Variants in KCNT2 observed in about 807,000 individuals in gnomAD.
KCNT2 encodes the protein potassium channel subfamily T member 2.
Under a neutral mutation model 153.8 loss-of-function variants are expected in KCNT2, and 67 were observed. The ratio of observed to expected loss-of-function variants is 0.44; its 90% confidence interval spans 0.36 to 0.53. KCNT2 has a LOEUF of 0.53. Among genes scored for constraint, KCNT2 ranks in the 20% least tolerant of loss-of-function variants. The probability of loss-of-function intolerance (pLI) is 0.00; values close to 1 mark genes in which losing one functional copy is unlikely to be tolerated. For missense variants in KCNT2, 975 were observed against 1,354.8 expected (o/e 0.72, Z 4.40); for synonymous variants, 500 against 458.8 (o/e 1.09, Z -1.15).
At chr1:196,579,347 C>T (rs1451073390) in intron 1 of KCNT2, among the ~76,000 whole-genome samples, 2 of 151,860 alleles carry the variant, frequency 1.3e-5, no homozygotes, top group African/African-American at 4.8e-5. Flanking sequence ...GGGGGAGAGA[C>T]AGGATCAGAA....
chr1:196,540,551 C>A (rs1325637807), intron 1 of KCNT2, among the ~76,000 whole-genome samples: 1 of 152,106 alleles, frequency 6.6e-6, no homozygotes, highest in Non-Finnish European at 1.5e-5. Flanking sequence ...TACCAACCAA[C>A]CAAGAAACAA....
chr1:196,494,756 A>G (rs1680124307), intron 1 of KCNT2, among the ~76,000 whole-genome samples: 1 of 152,234 alleles, frequency 6.6e-6, no homozygotes, highest in African/African-American at 2.4e-5. Flanking sequence ...ATTCGTAATT[A>G]TGAAGAGTTA....
intron 14 of KCNT2, among the ~76,000 whole-genome samples, chr1:196,343,698 C>T (rs1165854843): frequency 6.6e-6 from 1 of 152,132 alleles, no homozygotes; most frequent in Non-Finnish European, 1.5e-5. Context: ...GAGTTAAGAG[C>T]CTGGGCCCTG....
At chr1:196,369,290 T>C (rs1313152998) in intron 14 of KCNT2, among the ~76,000 whole-genome samples, 1 of 152,144 alleles carries the variant, frequency 6.6e-6, no homozygotes, top group African/African-American at 2.4e-5. Flanking sequence ...TCAAAGGTGA[T>C]TTTTTCTAAA....
At chr1:196,392,879 T>C (rs910719795) in intron 13 of KCNT2, among the ~76,000 whole-genome samples, 1 of 151,506 alleles carries the variant, frequency 6.6e-6, no homozygotes, top group Non-Finnish European at 1.5e-5. Flanking sequence ...TACTTTTGCT[T>C]GGACTTTTAA....
chr1:196,233,540 A>T (rs957682780), intron 27 of KCNT2, among the ~76,000 whole-genome samples: 4 of 151,410 alleles, frequency 2.6e-5, no homozygotes, highest in Non-Finnish European at 4.4e-5. Flanking sequence ...TTCAGCTGGA[A>T]GATAAAAAAT....
At chr1:196,380,901 T>C (rs974051750) in intron 13 of KCNT2, among the ~76,000 whole-genome samples, 1 of 152,168 alleles carries the variant, frequency 6.6e-6, no homozygotes, top group African/African-American at 2.4e-5. Context: ...CGTGTGTGCA[T>C]GCGTGCGCGT....
chr1:196,313,119 T>C lies in KCNT2; in HGVS notation c.2483+2773A>G, dbSNP rs538377871. On this transcript the variant is annotated intron_variant, in intron 21 of 27. Coordinates refer to ENST00000294725, the MANE Select transcript of KCNT2 (RefSeq NM_198503.5). The stretch of plus-strand genomic sequence containing the variant: ...CAGCAGTGATTATCATGACTGATCA[T>C]AGATTTGAATCTGGGTAAGGAAGGG... Among the ~76,000 whole-genome samples the C allele has an allele frequency of 3.6e-4, 54 of 151,788 alleles. No individual in the cohort carries two copies. In the East Asian group the frequency reaches 3.7e-3, roughly 10 times the overall value.
chr1:196,297,515 AT>A (rs1172797235), intron 22 of KCNT2, among the ~76,000 whole-genome samples: 1 of 152,178 alleles, frequency 6.6e-6, no homozygotes, highest in African/African-American at 2.4e-5. Context: ...TCACAATCCT[AT>A]AAATATTATT....
chr1:196,287,055 A>G (rs554473630), intron 22 of KCNT2, among the ~76,000 whole-genome samples: 29 of 152,224 alleles, frequency 1.9e-4, no homozygotes, highest in Middle Eastern at 3.4e-3. Flanking sequence ...ACGTGTATCT[A>G]TAGTGTCTGT....
intron 12 of KCNT2, among the ~76,000 whole-genome samples, chr1:196,419,170 TTTTA>T (rs1183144071): frequency 2.0e-5 from 3 of 151,418 alleles, no homozygotes; most frequent in African/African-American, 4.8e-5. Flanking sequence ...TTTTAATTTT[TTTTA>T]TTTATTTTAT....
At chr1:196,392,882 A>G (rs1670606366) in intron 13 of KCNT2, among the ~76,000 whole-genome samples, 1 of 151,432 alleles carries the variant, frequency 6.6e-6, no homozygotes, top group Non-Finnish European at 1.5e-5. Flanking sequence ...TTTTGCTTGG[A>G]CTTTTAACTT....
intron 5 of KCNT2, among the ~76,000 whole-genome samples, chr1:196,470,910 C>T (rs1466587034): frequency 1.3e-4 from 17 of 130,844 alleles, no homozygotes; most frequent in South Asian, 9.6e-4. Flanking sequence ...GACAGAGTCT[C>T]GCTCTGTCAC....
At chr1:196,256,623 A>G (rs1656528478) in intron 26 of KCNT2, among the ~76,000 whole-genome samples, 1 of 151,530 alleles carries the variant, frequency 6.6e-6, no homozygotes, top group Admixed American at 6.6e-5. Context: ...TTTTCTTTAG[A>G]CAATATAAAA....
chr1:196,348,969 A>T (rs1666378795), intron 14 of KCNT2, among the ~76,000 whole-genome samples: 1 of 152,080 alleles, frequency 6.6e-6, no homozygotes, highest in African/African-American at 2.4e-5. Context: ...AGAGAAAGAA[A>T]GAATCCCCTA....
At chr1:196,342,453 T>A (rs1665764738) in intron 14 of KCNT2, among the ~76,000 whole-genome samples, 2 of 146,728 alleles carry the variant, frequency 1.4e-5, no homozygotes, top group South Asian at 4.2e-4. Context: ...TATATGTATA[T>A]ATATATATAT....
intron 1 of KCNT2, among the ~76,000 whole-genome samples, chr1:196,494,972 G>C (rs1315942632): frequency 6.6e-6 from 1 of 151,552 alleles, no homozygotes; most frequent in African/African-American, 2.4e-5. Context: ...CGAGCCACTG[G>C]CTTTTTTTTT....
intron 26 of KCNT2, among the ~76,000 whole-genome samples, chr1:196,247,489 C>T (rs1179993968): frequency 6.6e-6 from 1 of 152,184 alleles, no homozygotes; most frequent in East Asian, 1.9e-4. Flanking sequence ...CTATGAAGAA[C>T]CGCCTGAGAC....
intron 14 of KCNT2, among the ~76,000 whole-genome samples, chr1:196,344,091 T>A (rs946332787): frequency 1.3e-5 from 2 of 152,174 alleles, no homozygotes; most frequent in African/African-American, 4.8e-5. Context: ...AACTCTACAA[T>A]CTTTTGTGAG....
Sources: allele counts gnomAD v4.1 joint callset (sites outside exome capture counted in the v4.1 genomes callset), GRCh38; gene constraint gnomAD v4.1.1; transcripts MANE v1.5; gene names NCBI Gene and HGNC (gene_info 2026-07-23, HGNC 2026-07-21).